The following TTLL5 variants were observed in gnomAD, a reference collection of about 807,000 sequenced individuals.
TTLL5 encodes tubulin polyglutamylase TTLL5.
A neutral mutation model predicts 168.4 loss-of-function variants in TTLL5; 132 were observed. The ratio of observed to expected loss-of-function variants is 0.78; its 90% confidence interval spans 0.68 to 0.91. The LOEUF (loss-of-function observed/expected upper bound fraction) is 0.91, where lower values mean the gene tolerates loss of function less well. TTLL5 is among the 40% of genes least tolerant of loss of function. TTLL5 has a pLI of 0.00. For missense variants in TTLL5, 1,545 were observed against 1,581.5 expected, an observed-to-expected ratio of 0.98 and a Z score of 0.39; for synonymous variants, 546 against 558.6, an observed-to-expected ratio of 0.98 and a Z score of 0.32.
intron 29 of TTLL5, 28 bp from the exon 30 acceptor site, chr14:75,882,657 G>T: frequency 6.3e-7 from 1 of 1,589,906 alleles, no homozygotes; most frequent in South Asian, 1.1e-5. Context: ...GATGTCCATC[G>T]ATCATTTTTT....
intron 28 of TTLL5, among the ~76,000 whole-genome samples, chr14:75,861,479 G>C (rs2029996380): frequency 6.6e-6 from 1 of 152,122 alleles, no homozygotes; most frequent in Admixed American, 6.5e-5. Flanking sequence ...AACCCTATGT[G>C]GCTTTTAGGT....
chr14:75,782,452 A>G (rs780856406), intron 24 of TTLL5, 35 bp from the exon 25 acceptor site: 15 of 1,552,008 alleles, frequency 9.7e-6, no homozygotes, highest in African/African-American at 2.7e-5. Flanking sequence ...GCAATTGATT[A>G]TAAGAGAGTC....
At chr14:75,838,855 C>T (rs1180491764) in intron 28 of TTLL5, 1 of 152,570 alleles carries the variant, frequency 6.6e-6, no homozygotes, top group Non-Finnish European at 1.5e-5. Flanking sequence ...GGTGATAACC[C>T]CACAGATGCT....
chr14:75,869,107 C>T (rs2030801016), intron 29 of TTLL5, among the ~76,000 whole-genome samples: 1 of 148,186 alleles, frequency 6.7e-6, no homozygotes, highest in South Asian at 2.1e-4. Flanking sequence ...ATGTCATAAC[C>T]TATTGCTTCG....
intron 30 of TTLL5, among the ~76,000 whole-genome samples, chr14:75,900,439 G>T (rs2032873831): frequency 1.3e-5 from 2 of 152,114 alleles, no homozygotes; most frequent in Non-Finnish European, 2.9e-5. Flanking sequence ...GACACCACCT[G>T]ACTCTCCAGG....
In TTLL5 at chr14:75,897,693, C is replaced by G. The variant is rs149800745; in HGVS notation, c.3741-4449C>G. 4.1e-3 allele frequency among the ~76,000 whole-genome samples: 624 copies of G among 152,104 alleles called. 3 individuals are homozygous for G. The highest frequency in any genetic ancestry group is 0.015 in the East Asian group (75 of 5,158). On this transcript the variant is annotated intron_variant, in intron 30 of 31. Transcript: ENST00000298832. ...GTTTCACCATGTTGGCCAGGCTGGT[C>G]TCAAACTCCTGACTTCAGGTCTTCC...
intron 12 of TTLL5, among the ~76,000 whole-genome samples, chr14:75,722,120 G>C (rs1443652492): frequency 6.6e-6 from 1 of 152,060 alleles, no homozygotes; most frequent in Non-Finnish European, 1.5e-5. Flanking sequence ...ATACTTCTAA[G>C]CACTCTGTGC....
At chr14:75,779,737 GAAC>G in intron 24 of TTLL5, 35 bp downstream of exon 24, 1 of 1,574,240 alleles carries the variant, frequency 6.4e-7, no homozygotes, top group Non-Finnish European at 8.6e-7. Flanking sequence ...AAAATAAGAA[GAAC>G]AAGTGAAGAA....
chr14:75,851,529 C>T (rs1896854113), intron 28 of TTLL5, among the ~76,000 whole-genome samples: 1 of 152,130 alleles, frequency 6.6e-6, no homozygotes, highest in Non-Finnish European at 1.5e-5. Flanking sequence ...TTGCTTCTCT[C>T]TGGTAATCAG....
At chr14:75,829,880 C>T (rs1193352928) in intron 28 of TTLL5, among the ~76,000 whole-genome samples, 1 of 152,114 alleles carries the variant, frequency 6.6e-6, no homozygotes, top group African/African-American at 2.4e-5. Context: ...GTGATAGAAA[C>T]TGAAATCAAG....
At chr14:75,853,290 A>G (rs899878958) in intron 28 of TTLL5, among the ~76,000 whole-genome samples, 2 of 152,176 alleles carry the variant, frequency 1.3e-5, no homozygotes, top group East Asian at 3.8e-4. Context: ...TAATGTTAAC[A>G]TATAAGCTAG....
intron 31 of TTLL5, among the ~76,000 whole-genome samples, chr14:75,921,656 T>C (rs1171508791): frequency 6.6e-6 from 1 of 152,168 alleles, no homozygotes; most frequent in Non-Finnish European, 1.5e-5. Context: ...AGTCAGGTAG[T>C]GCGATGCCTC....
chr14:75,881,496 G>A (rs2031809255), intron 29 of TTLL5, among the ~76,000 whole-genome samples: 1 of 152,102 alleles, frequency 6.6e-6, no homozygotes, highest in South Asian at 2.1e-4. Context: ...CATATAGAAG[G>A]GTTGGTGAAC....
chr14:75,905,321 C>A (rs557807503), intron 31 of TTLL5, among the ~76,000 whole-genome samples: 10 of 152,202 alleles, frequency 6.6e-5, no homozygotes, highest in Non-Finnish European at 1.2e-4. Context: ...TCCTGTAAGT[C>A]TTGCCTGCCA....
At chr14:75,873,167 G>A (rs1219670792) in intron 29 of TTLL5, among the ~76,000 whole-genome samples, 31 of 150,654 alleles carry the variant, frequency 2.1e-4, no homozygotes, top group East Asian at 2.0e-4. Flanking sequence ...TCCGCCTCCC[G>A]GGTTCACGCC....
At chr14:75,786,352 ATG>A (rs1167427074) in intron 26 of TTLL5, among the ~76,000 whole-genome samples, 33 of 152,350 alleles carry the variant, frequency 2.2e-4, no homozygotes, top group African/African-American at 7.7e-4. Flanking sequence ...TTCCAAGAGA[ATG>A]ATAGTGAACA....
chr14:75,878,252 A>G (rs2031605394), intron 29 of TTLL5, among the ~76,000 whole-genome samples: 2 of 152,224 alleles, frequency 1.3e-5, no homozygotes, highest in African/African-American at 4.8e-5. Context: ...TCTACCACCA[A>G]TAGTTTAATT....
intron 12 of TTLL5, 132 bp downstream of exon 12, chr14:75,720,835 A>C: frequency 5.4e-6 from 4 of 743,722 alleles, no homozygotes; most frequent in Non-Finnish European, 9.2e-6. Flanking sequence ...TTCTAAGCTC[A>C]TGTAGCATAT....
intron 31 of TTLL5, among the ~76,000 whole-genome samples, chr14:75,909,470 C>G (rs2033280457): frequency 6.6e-6 from 1 of 151,812 alleles, no homozygotes; most frequent in Non-Finnish European, 1.5e-5. Flanking sequence ...TCTTCTGCCT[C>G]CAGACTGACA....
Sources: gnomAD v4.1 joint callset for allele counts (sites outside exome capture counted in the v4.1 genomes callset) on GRCh38, gnomAD v4.1.1 for gene constraint, MANE v1.5 for transcripts, NCBI Gene and HGNC (gene_info 2026-07-23, HGNC 2026-07-21) for gene names.